The following LRP2 variants were observed in gnomAD, a reference collection of about 807,000 sequenced individuals.
LRP2 encodes low-density lipoprotein receptor-related protein 2.
A neutral mutation model predicts 531.0 loss-of-function variants in LRP2; 172 were observed. The ratio of observed to expected loss-of-function variants is 0.32; its 90% CI spans 0.29 to 0.37. The LOEUF (loss-of-function observed/expected upper bound fraction) is 0.37, where lower values mean the gene tolerates loss of function less well. Among genes scored for constraint, LRP2 ranks in the 10% least tolerant of loss-of-function variants. The pLI, the probability that LRP2 is intolerant of heterozygous loss-of-function variation, is 1.00. For missense variants in LRP2, 5,167 were observed against 5,868.3 expected, an observed-to-expected ratio of 0.88 and a Z score of 3.90; for synonymous variants, 1,992 against 2,027.6, an observed-to-expected ratio of 0.98 and a Z score of 0.47.
intron 3 of LRP2, among the ~76,000 whole-genome samples, chr2:169,314,227 A>T (rs746008697): frequency 6.9e-6 from 1 of 145,398 alleles, no homozygotes; most frequent in Non-Finnish European, 1.5e-5. Flanking sequence ...TGAGATCCTT[A>T]TATCTTAAAA....
At chr2:169,231,299 G>GA (rs1317283615) in intron 31 of LRP2, among the ~76,000 whole-genome samples, 963 of 50,886 alleles carry the variant, frequency 0.019, 13 homozygotes, top group Middle Eastern at 0.11. Flanking sequence ...GTCTCAGAAA[G>GA]AAAAAAAAAA....
rs370347057 is a variant in LRP2, at chr2:169,322,536, T to C, written c.80-1652A>G. ...AACACAACAACCTCCCTTGCAAAAATGCCCCTAAGGAATGTACAAATTCAC... is the reference window on the plus strand; with the variant it reads ...AACACAACAACCTCCCTTGCAAAAACGCCCCTAAGGAATGTACAAATTCAC... On this transcript the variant is annotated intron_variant, in intron 1 of 78. Coordinates refer to ENST00000649046, the MANE Select transcript of LRP2 (RefSeq NM_004525.3). Among the ~76,000 whole-genome samples the C allele has an allele frequency of 3.5e-4, 53 of 152,298 alleles. No individual in the cohort carries two copies. The South Asian group carries it at 8.5e-3, about 24-fold the overall frequency.
At chr2:169,148,878 C>A (rs914436410) in intron 68 of LRP2, among the ~76,000 whole-genome samples, 1 of 152,160 alleles carries the variant, frequency 6.6e-6, no homozygotes, top group Non-Finnish European at 1.5e-5. Context: ...TGGGAAGTGG[C>A]CCTTCTCACT....
rs182269111 is a variant in LRP2, at chr2:169,311,950, C to T, written c.311-4553G>A. 5.1e-3 allele frequency among the ~76,000 whole-genome samples: 775 copies of T among 152,168 alleles called. 5 individuals carry two copies. The highest frequency in any genetic ancestry group is 0.017 in the African/African-American group (713 of 41,540). ...TGTTGACTGGATCCCTTTACCATTA[C>T]GTAATGGCCTTCTTTGTCTCTTCTG... On this transcript the variant is annotated intron_variant, in intron 3 of 78. Transcript: ENST00000649046.
In LRP2 at chr2:169,284,256, C is replaced by CTTTTTTTTTTTTTTT. The variant is rs1216987363; in HGVS notation, c.1043-1270_1043-1256dup. Reference sequence around the variant, plus strand: ...CTTTTCTTTTCTTTTTCTTTTTTTTCTTTTTTTTTTTTTTTTTTTTTTTTT... The same window carrying CTTTTTTTTTTTTTTT: ...CTTTTCTTTTCTTTTTCTTTTTTTTCTTTTTTTTTTTTTTTTTTTTTTTTTTTTTTTTTTTTTTTT... On this transcript the variant is annotated intron_variant, in intron 9 of 78. Coordinates refer to ENST00000649046, the MANE Select transcript of LRP2 (RefSeq NM_004525.3). Among the ~76,000 whole-genome samples the CTTTTTTTTTTTTTTT allele has an allele frequency of 2.7e-3, 257 of 96,628 alleles. 1 individual carries two copies. Among genetic ancestry groups the CTTTTTTTTTTTTTTT allele is most frequent in the South Asian group, 3.6e-3 (10 of 2,758 alleles). The allele number at this position is 96,628 out of a possible 152,430, so 63.4% of individuals were successfully genotyped here.
At chr2:169,230,640 C>T (rs756033200) in intron 31 of LRP2, among the ~76,000 whole-genome samples, 8 of 152,136 alleles carry the variant, frequency 5.3e-5, no homozygotes, top group Admixed American at 2.0e-4. Flanking sequence ...CACTGAGAAA[C>T]GAAAGGGAAC....
At chr2:169,245,708 C>T (rs1432671446) in intron 21 of LRP2, among the ~76,000 whole-genome samples, 1 of 151,990 alleles carries the variant, frequency 6.6e-6, no homozygotes, top group Non-Finnish European at 1.5e-5. Context: ...AGGTTAAGAC[C>T]ACCATTTCAT....
intron 33 of LRP2, among the ~76,000 whole-genome samples, chr2:169,224,800 T>C (rs1379399757): frequency 6.6e-6 from 1 of 152,170 alleles, no homozygotes; most frequent in East Asian, 1.9e-4. Context: ...AAATAATTTA[T>C]TTTTGCCAGC....
chr2:169,306,290 T>G (rs1197454034), intron 4 of LRP2, among the ~76,000 whole-genome samples: 1 of 152,104 alleles, frequency 6.6e-6, no homozygotes. Flanking sequence ...TCCCAGCACT[T>G]TGGGAGGCCG....
chr2:169,302,117 G>A (rs1202681655), intron 4 of LRP2, among the ~76,000 whole-genome samples: 1 of 151,860 alleles, frequency 6.6e-6, no homozygotes. Flanking sequence ...CATCGTCACT[G>A]CAGAAATAAT....
intron 1 of LRP2, among the ~76,000 whole-genome samples, chr2:169,327,298 G>C (rs866711877): frequency 2.2e-5 from 2 of 92,306 alleles, no homozygotes; most frequent in Non-Finnish European, 2.4e-5. Flanking sequence ...CAGCCGCCCC[G>C]TCTGGGAGGG....
At chr2:169,215,700 A>G (rs991593895) in intron 35 of LRP2, among the ~76,000 whole-genome samples, 2 of 148,054 alleles carry the variant, frequency 1.4e-5, no homozygotes, top group African/African-American at 4.9e-5. Flanking sequence ...TATATTCTGT[A>G]TTCTATAAAT....
chr2:169,152,311 C>T (rs1686172229), intron 67 of LRP2, among the ~76,000 whole-genome samples: 1 of 152,146 alleles, frequency 6.6e-6, no homozygotes, highest in Non-Finnish European at 1.5e-5. Context: ...TAGAAGCCTG[C>T]TAAAAACACA....
chr2:169,323,969 G>A (rs1165199695), intron 1 of LRP2, among the ~76,000 whole-genome samples: 1 of 151,808 alleles, frequency 6.6e-6, no homozygotes, highest in African/African-American at 2.4e-5. Context: ...AGGAACCATC[G>A]GAACCAAATG....
intron 1 of LRP2, among the ~76,000 whole-genome samples, chr2:169,360,128 CAAA>C (rs67818940): frequency 2.9e-5 from 3 of 105,030 alleles, no homozygotes; most frequent in Admixed American, 1.9e-4. Context: ...CTGTCTCTCT[CAAA>C]AAAAAAAAAA....
chr2:169,179,427 G>A (rs1225071592), intron 52 of LRP2, among the ~76,000 whole-genome samples: 1 of 152,068 alleles, frequency 6.6e-6, no homozygotes, highest in African/African-American at 2.4e-5. Context: ...TTTGTCAAGA[G>A]TAGAACTACA....
rs755042801 is a variant in LRP2, at chr2:169,204,306, A to T, written c.7716-35T>A. 2.5e-6 allele frequency: 4 copies of T among 1,599,358 alleles called. No individual in the cohort carries two copies. In the African/African-American group the frequency reaches 5.3e-5, roughly 21 times the overall value. Reference sequence around the variant, plus strand: ...AGCAAAAAAAAATTTAGAAGTTGAAATCTCAAGTGAGTTAAGTTTTCAACT... The same window carrying T: ...AGCAAAAAAAAATTTAGAAGTTGAATTCTCAAGTGAGTTAAGTTTTCAACT... On this transcript the variant is annotated intron_variant, in intron 41 of 78. Coordinates refer to ENST00000649046, the MANE Select transcript of LRP2 (RefSeq NM_004525.3).
intron 16 of LRP2, among the ~76,000 whole-genome samples, chr2:169,269,363 G>A (rs559770977): frequency 1.4e-4 from 22 of 152,250 alleles, no homozygotes; most frequent in African/African-American, 5.3e-4. Context: ...ATACTACAAG[G>A]CTACAGTAAC....
intron 72 of LRP2, among the ~76,000 whole-genome samples, 182 bp downstream of exon 72, chr2:169,140,273 T>G (rs567951392): frequency 1.3e-5 from 2 of 152,210 alleles, no homozygotes; most frequent in African/African-American, 2.4e-5. Flanking sequence ...TTATGCACAT[T>G]CTAGTTAAAG....
Sources: allele counts gnomAD v4.1 joint callset (sites outside exome capture counted in the v4.1 genomes callset), GRCh38; gene constraint gnomAD v4.1.1; transcripts MANE v1.5; gene names NCBI Gene and HGNC (gene_info 2026-07-23, HGNC 2026-07-21).